Variants in SUPT3H observed in about 807,000 individuals in gnomAD.
The protein encoded by SUPT3H is transcription initiation protein SPT3 homolog.
In SUPT3H, 44 loss-of-function variants were observed where a neutral mutation model predicts 44.3. That is an observed-to-expected ratio of 0.99 (90% CI 0.78 to 1.28). SUPT3H has a LOEUF of 1.28. Ranked by LOEUF, SUPT3H falls within the 50% of genes most tolerant of loss-of-function variation. The pLI is 0.00. For missense variants in SUPT3H, 380 were observed against 387.1 expected (o/e 0.98, Z 0.15); for synonymous variants, 124 against 125.6 (o/e 0.99, Z 0.09).
At chr6:45,014,946 C>A in intron 4 of SUPT3H, 55 bp from the exon 5 acceptor site, 1 of 1,128,550 alleles carries the variant, frequency 8.9e-7, no homozygotes, top group South Asian at 1.9e-5. Flanking sequence ...ATTCACTTTA[C>A]TGATTAAAGA....
intron 2 of SUPT3H, among the ~76,000 whole-genome samples, chr6:45,341,833 C>A (rs1429903304): frequency 1.3e-5 from 2 of 152,100 alleles, no homozygotes; most frequent in Non-Finnish European, 2.9e-5. Context: ...GATAATTCAT[C>A]GCTTTTAGTT....
At chr6:45,213,283 T>C (rs968404862) in intron 2 of SUPT3H, among the ~76,000 whole-genome samples, 1 of 152,104 alleles carries the variant, frequency 6.6e-6, no homozygotes, top group Non-Finnish European at 1.5e-5. Context: ...TAAAGAAAAC[T>C]GAATAAAACA....
intron 3 of SUPT3H, among the ~76,000 whole-genome samples, chr6:45,046,730 A>G (rs1485521415): frequency 1.3e-5 from 2 of 152,210 alleles, no homozygotes; most frequent in Non-Finnish European, 2.9e-5. Context: ...GCATTTCCAC[A>G]TTAATTTTAG....
intron 3 of SUPT3H, among the ~76,000 whole-genome samples, chr6:45,056,547 G>A (rs1016138625): frequency 1.1e-4 from 16 of 152,128 alleles, no homozygotes; most frequent in Non-Finnish European, 7.4e-5. Flanking sequence ...ATTTGCATTT[G>A]CAGCAACCTG....
chr6:45,100,401 T>G (rs1035195955), intron 3 of SUPT3H, among the ~76,000 whole-genome samples: 69 of 151,174 alleles, frequency 4.6e-4, no homozygotes, highest in African/African-American at 1.5e-3. Context: ...GCAAAAGAGC[T>G]GAATCAACAT....
At chr6:45,295,989 A>C (rs1054857606) in intron 2 of SUPT3H, among the ~76,000 whole-genome samples, 2 of 152,130 alleles carry the variant, frequency 1.3e-5, no homozygotes, top group Non-Finnish European at 2.9e-5. Context: ...ATCTACCCAG[A>C]GGAAAAAAAA....
intron 2 of SUPT3H, among the ~76,000 whole-genome samples, chr6:45,307,191 G>T (rs572900689): frequency 2.0e-4 from 30 of 152,302 alleles, no homozygotes; most frequent in African/African-American, 6.5e-4. Context: ...CACCTCTGGG[G>T]GCAGGGCATA....
chr6:45,147,311 A>C (rs978145939), intron 2 of SUPT3H, among the ~76,000 whole-genome samples: 1 of 152,156 alleles, frequency 6.6e-6, no homozygotes, highest in Non-Finnish European at 1.5e-5. Flanking sequence ...GAATGATAAA[A>C]GCTGAACTAA....
intron 2 of SUPT3H, among the ~76,000 whole-genome samples, chr6:45,272,216 G>T (rs1776303979): frequency 6.6e-6 from 1 of 152,162 alleles, no homozygotes; most frequent in South Asian, 2.1e-4. Flanking sequence ...TTTGAAATGT[G>T]AGGACATGAG....
At chr6:44,923,863 A>G (rs1464536123) in intron 10 of SUPT3H, among the ~76,000 whole-genome samples, 1 of 152,136 alleles carries the variant, frequency 6.6e-6, no homozygotes, top group African/African-American at 2.4e-5. Context: ...CAATTTTATA[A>G]TAGAACTCCA....
At chr6:45,000,869 C>T (rs1582986510) in intron 6 of SUPT3H, among the ~76,000 whole-genome samples, 1 of 152,056 alleles carries the variant, frequency 6.6e-6, no homozygotes, top group South Asian at 2.1e-4. Context: ...TTGAGGATTA[C>T]TCTGAAGGTA....
intron 9 of SUPT3H, among the ~76,000 whole-genome samples, chr6:44,934,196 CCTCTATGGATAGCA>C (rs1771049400): frequency 6.6e-6 from 1 of 151,992 alleles, no homozygotes; most frequent in Non-Finnish European, 1.5e-5. Flanking sequence ...TAGATAGCAA[CCTCTATGGATAGCA>C]ATTTGGCAAA....
chr6:45,170,505 C>T (rs1270873445), intron 2 of SUPT3H, among the ~76,000 whole-genome samples: 1 of 152,210 alleles, frequency 6.6e-6, no homozygotes, highest in African/African-American at 2.4e-5. Context: ...TCCCCTGTAG[C>T]TGAAATCAGT....
chr6:45,086,846 A>G (rs540720091), intron 3 of SUPT3H, among the ~76,000 whole-genome samples: 56 of 152,032 alleles, frequency 3.7e-4, no homozygotes, highest in Admixed American at 5.9e-4. Context: ...ATAAAATTTA[A>G]TATTTAAGAT....
chr6:44,983,623 A>G (rs1190422598), intron 6 of SUPT3H, among the ~76,000 whole-genome samples: 1 of 152,214 alleles, frequency 6.6e-6, no homozygotes, highest in East Asian at 1.9e-4. Flanking sequence ...GCAAATGAAA[A>G]TGGACTTGGG....
At chr6:45,079,436 GGAA>G (rs964972413) in intron 3 of SUPT3H, among the ~76,000 whole-genome samples, 2 of 149,496 alleles carry the variant, frequency 1.3e-5, no homozygotes, top group Non-Finnish European at 1.5e-5. Context: ...GGGAAGAGGA[GGAA>G]GAAGAAGGGG....
rs1045871887 is a variant in SUPT3H at position 45,175,334 on chromosome 6, G to A, written c.102-69328C>T. Among the ~76,000 whole-genome samples, 12 of 152,192 alleles carry A rather than the reference G, an allele frequency of 7.9e-5. No homozygotes were observed. In the East Asian group the frequency reaches 1.2e-3, roughly 15 times the overall value. The stretch of plus-strand genomic sequence containing the variant: ...ACAGTTCAGCATGGCTGGGGAGGCC[G>A]CAGGAAACTTACAGTCACGGTGAAA... On this transcript the variant is annotated intron_variant, in intron 2 of 10. Transcript: ENST00000371459.
chr6:45,086,261 A>T (rs1432423702), intron 3 of SUPT3H, among the ~76,000 whole-genome samples: 4 of 152,060 alleles, frequency 2.6e-5, no homozygotes, highest in African/African-American at 7.2e-5. Context: ...TGCACAAATA[A>T]ATTTTCTCCG....
chr6:45,079,729 GA>G (rs1795531253), intron 3 of SUPT3H, among the ~76,000 whole-genome samples: 1 of 152,078 alleles, frequency 6.6e-6, no homozygotes, highest in African/African-American at 2.4e-5. Context: ...ACAGTTCTGG[GA>G]AAATTGGATA....
Sources: gnomAD v4.1 joint callset for allele counts (sites outside exome capture counted in the v4.1 genomes callset) on GRCh38, gnomAD v4.1.1 for gene constraint, MANE v1.5 for transcripts, NCBI Gene and HGNC (gene_info 2026-07-23, HGNC 2026-07-21) for gene names.